METTL9: variants seen among roughly 807,000 people sequenced by gnomAD.
METTL9 encodes methyltransferase 9, His-X-His N1(pi)-histidine.
METTL9 carries 10 observed loss-of-function variants against 36.0 expected under a neutral mutation model. The ratio of observed to expected loss-of-function variants is 0.28; its 90% CI spans 0.17 to 0.47. The LOEUF (loss-of-function observed/expected upper bound fraction) is 0.47. Ranked by LOEUF, METTL9 falls within the 20% of genes least tolerant of loss-of-function variation. METTL9 has a pLI of 0.99. For missense variants in METTL9, 246 were observed against 383.5 expected, an observed-to-expected ratio of 0.64 and a Z score of 3.00; for synonymous variants, 175 against 149.7, an observed-to-expected ratio of 1.17 and a Z score of -1.23.
At chr16:21,635,203 T>C (rs1966058406) in intron 4 of METTL9, among the ~76,000 whole-genome samples, 1 of 152,142 alleles carries the variant, frequency 6.6e-6, no homozygotes, top group African/African-American at 2.4e-5. Context: ...CTTCCCCAGG[T>C]CTGCCTTGAT....
chr16:21,605,466 A>C (rs1965259891), intron 1 of METTL9, among the ~76,000 whole-genome samples: 1 of 150,918 alleles, frequency 6.6e-6, no homozygotes, highest in South Asian at 2.1e-4. Flanking sequence ...GCTGGTCTCA[A>C]ACTCCTGGCC....
intron 2 of METTL9, among the ~76,000 whole-genome samples, chr16:21,614,537 C>G (rs1965507075): frequency 6.6e-6 from 1 of 152,180 alleles, no homozygotes; most frequent in South Asian, 2.1e-4. Flanking sequence ...GATACCCACC[C>G]TGCTTTCAGT....
At chr16:21,633,819 C>T (rs1272904006) in intron 4 of METTL9, among the ~76,000 whole-genome samples, 1 of 152,066 alleles carries the variant, frequency 6.6e-6, no homozygotes, top group African/African-American at 2.4e-5. Flanking sequence ...GAGCTTTAGG[C>T]CTTAAGGGAT....
chr16:21,610,520 C>T (rs930738464), intron 1 of METTL9, among the ~76,000 whole-genome samples: 1 of 152,220 alleles, frequency 6.6e-6, no homozygotes, highest in Non-Finnish European at 1.5e-5. Flanking sequence ...AAGAGCTTTG[C>T]TCTATTTTTG....
rs569470538 is a variant in METTL9, at chr16:21,621,602, T to C, written c.567-3329T>C. On this transcript the variant is annotated intron_variant, in intron 3 of 4. Transcript: ENST00000358154. ...TTGGCCTCCCAAAGTGCTGGGATTA[T>C]AGGTGTGAGTCACTGCGCCCAGCCA... Among the ~76,000 whole-genome samples the C allele has an allele frequency of 3.9e-5, 6 of 151,950 alleles. No individual in the cohort carries two copies. In the East Asian group the frequency reaches 1.2e-3, roughly 30 times the overall value.
chr16:21,611,305 A>C (rs1038888054), intron 1 of METTL9, among the ~76,000 whole-genome samples: 2 of 152,180 alleles, frequency 1.3e-5, no homozygotes, highest in Admixed American at 6.5e-5. Context: ...TAACGTTAGC[A>C]TCAGGAATGT....
At chr16:21,654,994 C>T (rs955302855) in intron 4 of METTL9, 4 of 540,912 alleles carry the variant, frequency 7.4e-6, no homozygotes, top group African/African-American at 1.9e-5. Context: ...CTTACATTTC[C>T]ATACTGACAC....
At chr16:21,602,851 G>GT (rs1965172486) in intron 1 of METTL9, among the ~76,000 whole-genome samples, 1 of 151,954 alleles carries the variant, frequency 6.6e-6, no homozygotes, top group African/African-American at 2.4e-5. Context: ...TAGAGATGGG[G>GT]TTTCACTATG....
chr16:21,638,724 A>T (rs111605708), intron 4 of METTL9, among the ~76,000 whole-genome samples: 4,437 of 152,236 alleles, frequency 0.029, 114 homozygotes, highest in Non-Finnish European at 0.039. Flanking sequence ...GGAAGGTTTC[A>T]TGTTGAGGTG....
In METTL9 at chr16:21,599,700, C is replaced by G; in HGVS notation, c.-34C>G. On this transcript the variant is annotated 5_prime_UTR_variant, in exon 1 of 5. Transcript: ENST00000358154. The surrounding 1 kb of genome is among the most constrained non-coding windows in gnomAD (Gnocchi z 4.4). ...TGCCTCCTCCTCCTCGCCCCGGCGC[C>G]GGCGGTGATCCGAGCGAGCGGCCGC... 1.4e-6 allele frequency: 2 copies of G among 1,451,934 alleles called. No homozygotes were observed. The highest frequency in any genetic ancestry group is 9.0e-7 in the Non-Finnish European group (1 of 1,106,018). The allele number at this position is 1,451,934 out of a possible 1,614,324, so 89.9% of individuals were successfully genotyped here.
At chr16:21,621,914 T>A (rs1965706162) in intron 3 of METTL9, among the ~76,000 whole-genome samples, 1 of 151,930 alleles carries the variant, frequency 6.6e-6, no homozygotes, top group African/African-American at 2.4e-5. Context: ...TTGCCCAGGC[T>A]GGAGTGCAGT....
chr16:21,643,273 A>C, intron 4 of METTL9: 1 of 734,462 alleles, frequency 1.4e-6, no homozygotes, highest in South Asian at 1.5e-5. Context: ...CCCCTCCCCC[A>C]ACACATATGT....
chr16:21,629,224 T>A (rs113724619), intron 4 of METTL9, among the ~76,000 whole-genome samples: 32 of 152,168 alleles, frequency 2.1e-4, no homozygotes, highest in Admixed American at 1.9e-3. Flanking sequence ...CTCCCAGATA[T>A]ATATTTTGAG....
At chr16:21,617,796 T>C in intron 2 of METTL9, 69 bp from the exon 3 acceptor site, 1 of 1,318,518 alleles carries the variant, frequency 7.6e-7, no homozygotes, top group Non-Finnish European at 1.1e-6. Flanking sequence ...CTATATTCAC[T>C]TTGTGTGTGT....
intron 4 of METTL9, chr16:21,647,320 C>T (rs1966456301): frequency 1.9e-6 from 3 of 1,614,184 alleles, no homozygotes; most frequent in East Asian, 4.5e-5. Flanking sequence ...TGCACCCGTC[C>T]AAGCACAGGT....
intron 3 of METTL9, among the ~76,000 whole-genome samples, chr16:21,623,641 A>T (rs983250033): frequency 2.6e-5 from 4 of 152,194 alleles, no homozygotes; most frequent in African/African-American, 9.7e-5. Context: ...AGAGGACTGA[A>T]AATGTTCTCT....
At chr16:21,605,952 G>A (rs1224065033) in intron 1 of METTL9, among the ~76,000 whole-genome samples, 1 of 152,072 alleles carries the variant, frequency 6.6e-6, no homozygotes, top group Non-Finnish European at 1.5e-5. Context: ...CAGTGCTTTT[G>A]TCCACCTTGA....
intron 4 of METTL9, among the ~76,000 whole-genome samples, chr16:21,628,358 AAGCTGGTAGTTACACATTTACC>A (rs1965860424): frequency 6.6e-6 from 1 of 152,196 alleles, no homozygotes; most frequent in African/African-American, 2.4e-5. Context: ...TTTCTTCTCC[AAGCTGGTAGTTACACATTTACC>A]AGCACACCAC....
intron 4 of METTL9, among the ~76,000 whole-genome samples, chr16:21,637,820 C>T (rs536989392): frequency 2.0e-5 from 3 of 152,388 alleles, no homozygotes; most frequent in Admixed American, 6.5e-5. Context: ...AGCACAGCGG[C>T]GGGCTGAAGT....
Sources: allele counts gnomAD v4.1 joint callset (sites outside exome capture counted in the v4.1 genomes callset), GRCh38; gene constraint gnomAD v4.1.1; non-coding constraint Gnocchi (gnomAD v3.1); transcripts MANE v1.5; gene names NCBI Gene and HGNC (gene_info 2026-07-23, HGNC 2026-07-21).